The following RANBP2 variants were observed in gnomAD, a reference collection of about 807,000 sequenced individuals.
RANBP2 encodes the protein RAN binding protein 2.
A neutral mutation model predicts 303.6 loss-of-function variants in RANBP2; 57 were observed. The observed-to-expected ratio is 0.19, with a 90% CI of 0.15 to 0.23. The LOEUF (loss-of-function observed/expected upper bound fraction) is 0.23. RANBP2 is among the 10% of genes least tolerant of loss of function. The pLI is 1.00. For synonymous variants in RANBP2, 1,167 were observed against 1,301.5 expected (o/e 0.90, Z 2.23); for missense variants, 3,138 against 3,780.8 (o/e 0.83, Z 4.46).
intron 9 of RANBP2, among the ~76,000 whole-genome samples, chr2:108,750,597 C>CTTTTT (rs1675802881): frequency 6.8e-6 from 1 of 146,342 alleles, no homozygotes; most frequent in Non-Finnish European, 1.5e-5. Flanking sequence ...CTTTTCTTTT[C>CTTTTT]TTTTCTTTGA....
the RANBP2 span, among the ~76,000 whole-genome samples, chr2:109,663,474 C>T: frequency 1.3e-5 from 2 of 152,204 alleles, no homozygotes; most frequent in Non-Finnish European, 2.9e-5. Context: ...AAAATTCCTA[C>T]TCCTGTTGGC....
chr2:109,027,859 T>C, the RANBP2 span, among the ~76,000 whole-genome samples: 1 of 152,334 alleles, frequency 6.6e-6, no homozygotes, highest in South Asian at 2.1e-4. Flanking sequence ...CCCCTACTTC[T>C]GTCTCTCCCA....
the RANBP2 span, among the ~76,000 whole-genome samples, chr2:109,042,595 C>T: frequency 1.9e-3 from 288 of 152,232 alleles, no homozygotes; most frequent in African/African-American, 6.3e-3. Context: ...GGCCAAACTC[C>T]CTAACTTTGA....
At chr2:109,417,320 G>A in the RANBP2 span, among the ~76,000 whole-genome samples, 4 of 152,166 alleles carry the variant, frequency 2.6e-5, no homozygotes, top group Admixed American at 6.5e-5. Flanking sequence ...GATCCAGACC[G>A]GCTCTGGGGA....
chr2:108,952,546 T>C, the RANBP2 span, among the ~76,000 whole-genome samples: 1 of 152,250 alleles, frequency 6.6e-6, no homozygotes, highest in South Asian at 2.1e-4. Flanking sequence ...TACTTTTCAC[T>C]TCTAGGATTT....
chr2:109,130,180 G>A, the RANBP2 span: 2 of 1,239,884 alleles, frequency 1.6e-6, no homozygotes, highest in Non-Finnish European at 2.0e-6. Context: ...CTTGGGCGTG[G>A]GGGGCAGTGA....
At chr2:108,817,727 C>A in the RANBP2 span, among the ~76,000 whole-genome samples, 1 of 152,202 alleles carries the variant, frequency 6.6e-6, no homozygotes, top group Non-Finnish European at 1.5e-5. Flanking sequence ...CTCCCTTAGC[C>A]TCCAGAAAGG....
chr2:108,981,859 T>C, the RANBP2 span, among the ~76,000 whole-genome samples: 3 of 152,174 alleles, frequency 2.0e-5, no homozygotes, highest in African/African-American at 4.8e-5. Context: ...TGTCTCTATT[T>C]CACAGGACTG....
intron 1 of RANBP2, among the ~76,000 whole-genome samples, chr2:108,727,382 TA>T (rs1404472941): frequency 1.1e-4 from 16 of 152,328 alleles, no homozygotes; most frequent in Middle Eastern, 6.8e-3. Context: ...CTGCAAAAGT[TA>T]CAGCCATAGT....
chr2:108,812,808 A>G, the RANBP2 span: 2 of 1,612,542 alleles, frequency 1.2e-6, no homozygotes, highest in African/African-American at 2.7e-5. Flanking sequence ...TCACGCATAT[A>G]TACTGTTGCA....
At chr2:109,290,564 C>G in the RANBP2 span, among the ~76,000 whole-genome samples, 1 of 152,234 alleles carries the variant, frequency 6.6e-6, no homozygotes, top group Admixed American at 6.5e-5. Context: ...TCCTTTGGCC[C>G]GCCCAATGCC....
chr2:109,066,470 C>A, the RANBP2 span, among the ~76,000 whole-genome samples: 1 of 152,322 alleles, frequency 6.6e-6, no homozygotes, highest in African/African-American at 2.4e-5. Context: ...ACAGCGCTAA[C>A]TGTTCCCCCA....
the RANBP2 span, among the ~76,000 whole-genome samples, chr2:109,531,598 T>C: frequency 6.6e-6 from 1 of 152,240 alleles, no homozygotes; most frequent in Non-Finnish European, 1.5e-5. Context: ...TGATTGATTA[T>C]ATTTTTTCAA....
the RANBP2 span, among the ~76,000 whole-genome samples, chr2:108,891,416 A>G: frequency 6.6e-6 from 1 of 152,172 alleles, no homozygotes; most frequent in Non-Finnish European, 1.5e-5. Flanking sequence ...TAGTCTCTGT[A>G]TGATTTTTTA....
the RANBP2 span, among the ~76,000 whole-genome samples, chr2:109,093,481 C>T: frequency 1.3e-5 from 2 of 149,878 alleles, no homozygotes; most frequent in African/African-American, 2.5e-5. Context: ...CACTTTGAGA[C>T]ACCTTATGTG....
At position 108,758,471 on chromosome 2, in the gene RANBP2, C is replaced by T; in HGVS notation, c.2525C>T (p.Pro842Leu). The T allele has an allele frequency of 1.9e-6, 3 of 1,611,242 alleles. No homozygotes were observed. The highest frequency in any genetic ancestry group is 2.5e-6 in the Non-Finnish European group (3 of 1,179,784). ...AACTCAGCATCCCCTCATCGTTGGC[C>T]CACAGAGAATTATGGACCAGACTCA... ...SSNSASPHRW[P>L]TENYGPDSVP... Residue 842 changes from proline to leucine, a missense_variant, in exon 18 of 29, where the codon CCC becomes CTC. Coordinates refer to ENST00000283195, the MANE Select transcript of RANBP2 (RefSeq NM_006267.5).
At chr2:108,876,457 A>C in the RANBP2 span, 1 of 351,830 alleles carries the variant, frequency 2.8e-6, no homozygotes, top group Non-Finnish European at 5.1e-6. Context: ...GGTAATACTA[A>C]TATACAAGAT....
the RANBP2 span, among the ~76,000 whole-genome samples, chr2:109,214,011 G>C: frequency 6.6e-6 from 1 of 152,178 alleles, no homozygotes; most frequent in African/African-American, 2.4e-5. Context: ...GCAGGGGAGG[G>C]AGGAGCTCTG....
the RANBP2 span, among the ~76,000 whole-genome samples, chr2:109,270,363 C>T: frequency 1.2e-4 from 18 of 152,120 alleles, no homozygotes; most frequent in Non-Finnish European, 1.6e-4. Flanking sequence ...AGCTGCCTAG[C>T]GGGATAGGCA....
Sources: gnomAD v4.1 joint callset for allele counts (sites outside exome capture counted in the v4.1 genomes callset) on GRCh38, gnomAD v4.1.1 for gene constraint, MANE v1.5 for transcripts, NCBI Gene and HGNC (gene_info 2026-07-23, HGNC 2026-07-21) for gene names.